ADAT1: variants seen among roughly 807,000 people sequenced by gnomAD.
ADAT1 encodes adenosine deaminase tRNA specific 1.
Under a neutral mutation model 58.6 loss-of-function variants are expected in ADAT1, and 58 were observed. The ratio of observed to expected loss-of-function variants is 0.99; its 90% CI spans 0.80 to 1.23. The LOEUF (loss-of-function observed/expected upper bound fraction) is 1.23, where lower values mean the gene tolerates loss of function less well. Among genes scored for constraint, ADAT1 ranks in the 50% most tolerant of loss-of-function variants. ADAT1 has a pLI of 0.00. For synonymous variants in ADAT1, 254 were observed against 220.8 expected (o/e 1.15, Z -1.33); for missense variants, 741 against 608.6 (o/e 1.22, Z -2.29).
At chr16:75,620,356 T>C in intron 2 of ADAT1, 22 bp from the exon 3 acceptor site, 1 of 1,613,174 alleles carries the variant, frequency 6.2e-7, no homozygotes, top group Non-Finnish European at 8.5e-7. Flanking sequence ...AAACAAATCG[T>C]GTGAGTTCTG....
Position 75,612,693 on chromosome 16 carries a change from C to T in ADAT1, c.593G>A (p.Arg198Lys), listed in dbSNP as rs1341839346. The change falls in exon 6 of 10, where the codon AGG (arginine) becomes AAG (lysine). Residue 198 changes from arginine (R) to lysine (K), a missense_variant. By Grantham distance (26) the Arg-to-Lys change is conservative (BLOSUM62 2). Coordinates refer to ENST00000564657, the MANE Select transcript of ADAT1 (RefSeq NM_001324445.2). Reference sequence around the variant, plus strand: ...CCTGGCTGCAGTCCCAGGCTCAAGCCTCATCTTTTTGGTTACAGGACTGTC... The same window carrying T: ...CCTGGCTGCAGTCCCAGGCTCAAGCTTCATCTTTTTGGTTACAGGACTGTC... ...DPDSPVTKKM[R>K]LEPGTAAREV... 2 of 1,614,070 alleles carry T rather than the reference C, an allele frequency of 1.2e-6. No homozygotes were observed. The highest frequency in any genetic ancestry group is 1.7e-6 in the Non-Finnish European group (2 of 1,180,022).
rs963595029 is a variant in ADAT1, at chr16:75,596,931, T to C, written c.*3285A>G. On this transcript the variant is annotated 3_prime_UTR_variant, in exon 10 of 10. Coordinates refer to ENST00000564657, the MANE Select transcript of ADAT1 (RefSeq NM_001324445.2). ...GTACTGATTCATGCTACAACATAAA[T>C]CTTGAAAACATGTTAAGTGAAAGAA... The C allele has an allele frequency of 6.6e-6, 1 of 152,214 alleles. No individual in the cohort carries two copies. The highest frequency in any genetic ancestry group is 1.5e-5 in the Non-Finnish European group (1 of 68,128). The allele number at this position is 152,214 out of a possible 1,614,324, so 9.4% of individuals were successfully genotyped here.
At position 75,605,937 on chromosome 16, in the gene ADAT1, CA is replaced by C. The variant is rs972557653; in HGVS notation, c.1289+2286del. Among the ~76,000 whole-genome samples the C allele has an allele frequency of 8.1e-3, 611 of 75,038 alleles. 13 individuals carry two copies. In the East Asian group the frequency reaches 0.13, roughly 16 times the overall value. 49.2% of individuals were successfully genotyped at this position (75,038 alleles called of 152,430 possible). ...GGGCGGTAAGGGTGAAACTCTGTCT[CA>C]AAAAAAAAAAAAAAAAAAAAAATCC... On this transcript the variant is annotated intron_variant, in intron 8 of 9. Coordinates refer to ENST00000564657, the MANE Select transcript of ADAT1 (RefSeq NM_001324445.2).
chr16:75,608,441 C>T, intron 7 of ADAT1, 118 bp from the exon 8 acceptor site: 1 of 819,160 alleles, frequency 1.2e-6, no homozygotes, highest in Admixed American at 2.3e-5. Context: ...TATGATGTCA[C>T]AGACAATGAC....
chr16:75,613,436 G>C (rs184901391), intron 5 of ADAT1, among the ~76,000 whole-genome samples: 1 of 152,174 alleles, frequency 6.6e-6, no homozygotes, highest in East Asian at 1.9e-4. Flanking sequence ...CGAGTAGCTG[G>C]AATTACATGC....
intron 9 of ADAT1, among the ~76,000 whole-genome samples, chr16:75,602,239 C>A (rs1231833646): frequency 6.6e-6 from 1 of 152,188 alleles, no homozygotes; most frequent in Non-Finnish European, 1.5e-5. Flanking sequence ...GAAACTCCAA[C>A]AAAAACTTTG....
chr16:75,613,037 G>A (rs1037333682), intron 5 of ADAT1, among the ~76,000 whole-genome samples, 176 bp from the exon 6 acceptor site: 1 of 152,124 alleles, frequency 6.6e-6, no homozygotes, highest in East Asian at 1.9e-4. Context: ...AAGCTCTCCA[G>A]GTGATTCTGA....
chr16:75,604,456 A>AAAAAAAATATATATATAT (rs1555508674), intron 8 of ADAT1, among the ~76,000 whole-genome samples: 1 of 48,784 alleles, frequency 2.0e-5, no homozygotes, highest in African/African-American at 1.4e-4. Context: ...AAAAAAAAAA[A>AAAAAAAATATATATATAT]ATATATATAT....
chr16:75,604,516 C>CAT (rs2081320430), intron 8 of ADAT1, among the ~76,000 whole-genome samples: 1 of 120,692 alleles, frequency 8.3e-6, no homozygotes, highest in Non-Finnish European at 1.6e-5. Context: ...CACACACACA[C>CAT]ACATATATAC....
intron 5 of ADAT1, among the ~76,000 whole-genome samples, chr16:75,616,666 A>C (rs998212534): frequency 6.6e-6 from 1 of 152,250 alleles, no homozygotes; most frequent in Admixed American, 6.5e-5. Flanking sequence ...CTAACTAACC[A>C]TGACTGTCTA....
chr16:75,601,116 G>A (rs146708870), intron 9 of ADAT1, among the ~76,000 whole-genome samples: 1,878 of 152,174 alleles, frequency 0.012, 46 homozygotes, highest in African/African-American at 0.042. Context: ...CGAAGCAGGC[G>A]GATCACCTGA....
chr16:75,612,910 T>G (rs759787893), intron 5 of ADAT1, 49 bp from the exon 6 acceptor site: 2 of 1,564,428 alleles, frequency 1.3e-6, no homozygotes, highest in East Asian at 2.2e-5. Context: ...GTGAGGTCCC[T>G]GGACCAGCCA....
intron 6 of ADAT1, among the ~76,000 whole-genome samples, chr16:75,611,270 T>C (rs2081523926): frequency 6.6e-6 from 1 of 152,178 alleles, no homozygotes; most frequent in Admixed American, 6.5e-5. Flanking sequence ...TAATAATACC[T>C]TAGCGCTCAT....
chr16:75,623,236 A>C lies in ADAT1; in HGVS notation c.-855T>G, dbSNP rs1368987008. 6.6e-6 allele frequency: 1 copy of C among 151,688 alleles called. No individual in the cohort carries two copies. Among genetic ancestry groups the C allele is most frequent in the East Asian group, 1.9e-4 (1 of 5,198 alleles). The allele number at this position is 151,688 out of a possible 1,614,324, so 9.4% of individuals were successfully genotyped here. On this transcript the variant is annotated 5_prime_UTR_variant, in exon 1 of 10. Transcript: ENST00000564657. Reference sequence around the variant, plus strand: ...AGCGCCTCGCGGACGCTCCCCTCCCACCTTCAGGAAACGCGCCTAGAAGAA... The same window carrying C: ...AGCGCCTCGCGGACGCTCCCCTCCCCCCTTCAGGAAACGCGCCTAGAAGAA...
In ADAT1 at chr16:75,620,320, C is replaced by G. The variant is rs759640118; in HGVS notation, c.184G>C (p.Val62Leu). Residue 62 changes from valine to leucine, a missense_variant, in exon 3 of 10, where the codon GTG becomes CTG. Coordinates refer to ENST00000564657, the MANE Select transcript of ADAT1 (RefSeq NM_001324445.2). ...CATTTTGTTCCTGTTCCCATTGACACAACTTCCTTTGTCACTGTGGGAAAA... is the reference window on the plus strand; with the variant it reads ...CATTTTGTTCCTGTTCCCATTGACAGAACTTCCTTTGTCACTGTGGGAAAA... ...DKPVQVTKEV[V>L]SMGTGTKCIG... 6.2e-7 allele frequency: 1 copy of G among 1,614,162 alleles called. No individual in the cohort carries two copies. Among genetic ancestry groups the G allele is most frequent in the Admixed American group, 1.7e-5 (1 of 60,026 alleles).
chr16:75,618,779 A>C, intron 3 of ADAT1, 139 bp from the exon 4 acceptor site: 1 of 939,012 alleles, frequency 1.1e-6, no homozygotes, highest in African/African-American at 1.7e-5. Context: ...AGGTACCACA[A>C]TCATGAATAA....
chr16:75,612,224 G>A lies in ADAT1; in HGVS notation c.1043+19C>T. The stretch of plus-strand genomic sequence containing the variant: ...CTCTTGGAATGACTGTTCCAATTGA[G>A]CCCTCCCTACCCTCTCACCTTCCAA... On this transcript the variant is annotated intron_variant, in intron 6 of 9. Coordinates refer to ENST00000564657, the MANE Select transcript of ADAT1 (RefSeq NM_001324445.2). The A allele has an allele frequency of 6.2e-7, 1 of 1,606,506 alleles. No homozygotes were observed. The highest frequency in any genetic ancestry group is 8.5e-7 in the Non-Finnish European group (1 of 1,174,926).
intron 4 of ADAT1, 54 bp from the exon 5 acceptor site, chr16:75,617,326 A>G (rs1188215873): frequency 1.3e-6 from 2 of 1,586,032 alleles, no homozygotes; most frequent in Non-Finnish European, 1.7e-6. Context: ...TGGTAAGGGG[A>G]AAGCCTCTGG....
intron 9 of ADAT1, among the ~76,000 whole-genome samples, chr16:75,601,335 C>T (rs1476975635): frequency 2.0e-5 from 3 of 151,044 alleles, no homozygotes; most frequent in African/African-American, 7.3e-5. Flanking sequence ...GAGCAAGACA[C>T]TGTCTCAAAA....
Sources: gnomAD v4.1 joint callset for allele counts (sites outside exome capture counted in the v4.1 genomes callset) on GRCh38, gnomAD v4.1.1 for gene constraint, MANE v1.5 for transcripts, NCBI Gene and HGNC (gene_info 2026-07-23, HGNC 2026-07-21) for gene names.